Variants in JMJD1C observed in about 807,000 individuals in gnomAD.
The protein encoded by JMJD1C is jumonji domain containing 1C, also known as jumonji domain-containing protein 1C.
In JMJD1C, 31 loss-of-function variants were observed where a neutral mutation model predicts 245.3. That is an observed-to-expected ratio of 0.13 (90% CI 0.09 to 0.17). JMJD1C has a LOEUF of 0.17. JMJD1C is among the 10% of genes least tolerant of loss of function. The pLI is 1.00. For synonymous variants in JMJD1C, 1,057 were observed against 1,017.4 expected (o/e 1.04, Z -0.74); for missense variants, 2,691 against 3,000.2 (o/e 0.90, Z 2.41).
intron 2 of JMJD1C, among the ~76,000 whole-genome samples, chr10:63,371,339 A>C (rs1478109990): frequency 6.6e-6 from 1 of 151,994 alleles, no homozygotes; most frequent in Non-Finnish European, 1.5e-5. Flanking sequence ...TTTTTACTTA[A>C]ATTTTCTCTA....
At chr10:63,202,588 G>C in intron 10 of JMJD1C, 1 of 985,326 alleles carries the variant, frequency 1.0e-6, no homozygotes, top group South Asian at 4.7e-5. Context: ...TTGCTGCCTC[G>C]TTCTTTACAA....
At chr10:63,364,463 A>G (rs1356255088) in intron 2 of JMJD1C, among the ~76,000 whole-genome samples, 1 of 151,998 alleles carries the variant, frequency 6.6e-6, no homozygotes, top group African/African-American at 2.4e-5. Flanking sequence ...TGTTGTTGCT[A>G]TCTTGGTGCG....
At chr10:63,476,503 A>G (rs79001857) in intron 1 of JMJD1C, among the ~76,000 whole-genome samples, 5,614 of 152,120 alleles carry the variant, frequency 0.037, 331 homozygotes, top group East Asian at 0.29. Flanking sequence ...CAAGAGGATC[A>G]GCTGAGGCCA....
chr10:63,420,712 CT>C (rs1329888296), intron 1 of JMJD1C, among the ~76,000 whole-genome samples: 1 of 80,064 alleles, frequency 1.2e-5, no homozygotes, highest in African/African-American at 4.3e-5. Context: ...GAGACCCAGT[CT>C]CAAAAAAAAA....
In JMJD1C at chr10:63,196,761, T is replaced by G. The variant is rs190833542; in HGVS notation, c.5644+650A>C. On this transcript the variant is annotated intron_variant, in intron 13 of 25. Transcript: ENST00000399262. ...AGCTTTAGGTAGTCACTTCCAAAAT[T>G]GCCTTGGATAATCTTTCTAAAACAC... 7.0e-3 allele frequency among the ~76,000 whole-genome samples: 1,061 copies of G among 152,236 alleles called. 5 individuals carry two copies. Among genetic ancestry groups the G allele is most frequent in the Non-Finnish European group, 9.8e-3 (666 of 68,012 alleles).
At chr10:63,519,873 G>A (rs1424516891) in intron 1 of JMJD1C, among the ~76,000 whole-genome samples, 1 of 152,204 alleles carries the variant, frequency 6.6e-6, no homozygotes. Flanking sequence ...CTTTCATGAA[G>A]GGATCTGAAT....
intron 1 of JMJD1C, among the ~76,000 whole-genome samples, chr10:63,483,412 G>C (rs561304447): frequency 2.2e-4 from 33 of 152,266 alleles, no homozygotes; most frequent in South Asian, 1.0e-3. Flanking sequence ...TGGAGGGGGA[G>C]GCTATCCTCT....
chr10:63,425,331 A>T (rs995040016), intron 1 of JMJD1C, among the ~76,000 whole-genome samples: 7 of 152,180 alleles, frequency 4.6e-5, no homozygotes, highest in African/African-American at 1.7e-4. Flanking sequence ...TTTTAGGTGA[A>T]TTTTAAAACA....
intron 2 of JMJD1C, among the ~76,000 whole-genome samples, chr10:63,316,569 T>A (rs929105218): frequency 6.6e-6 from 1 of 152,282 alleles, no homozygotes; most frequent in East Asian, 1.9e-4. Context: ...TGCCTCAGCC[T>A]CCCAAGTAGC....
intron 2 of JMJD1C, among the ~76,000 whole-genome samples, chr10:63,348,664 T>C (rs1944062972): frequency 6.6e-6 from 1 of 152,146 alleles, no homozygotes; most frequent in Non-Finnish European, 1.5e-5. Context: ...CCTCTCCAAA[T>C]CTCATATTGA....
chr10:63,281,458 CTTTTTTTTT>C (rs71025144), intron 2 of JMJD1C, among the ~76,000 whole-genome samples: 21 of 65,376 alleles, frequency 3.2e-4, no homozygotes, highest in African/African-American at 9.9e-4. Flanking sequence ...TGCGCCTGGC[CTTTTTTTTT>C]TTTTTTTTTT....
intron 2 of JMJD1C, among the ~76,000 whole-genome samples, chr10:63,309,164 T>C (rs1938752585): frequency 6.6e-6 from 1 of 150,842 alleles, no homozygotes; most frequent in African/African-American, 2.4e-5. Context: ...AACGACAGAG[T>C]AAACTAAGAA....
chr10:63,274,626 A>G (rs982900942), intron 2 of JMJD1C, among the ~76,000 whole-genome samples: 6 of 152,184 alleles, frequency 3.9e-5, no homozygotes, highest in African/African-American at 1.4e-4. Context: ...TAAGCAATGC[A>G]AAACTTGTGT....
chr10:63,171,599 T>C (rs564221148), intron 24 of JMJD1C, among the ~76,000 whole-genome samples: 1 of 152,314 alleles, frequency 6.6e-6, no homozygotes, highest in African/African-American at 2.4e-5. Flanking sequence ...GATTCCTATT[T>C]GTGTGGTTTC....
At chr10:63,415,866 G>A (rs1361755856) in intron 1 of JMJD1C, among the ~76,000 whole-genome samples, 1 of 152,072 alleles carries the variant, frequency 6.6e-6, no homozygotes, top group African/African-American at 2.4e-5. Context: ...TAAACATTAA[G>A]GCAACTCCTT....
At chr10:63,283,304 GC>G (rs1251563479) in intron 2 of JMJD1C, among the ~76,000 whole-genome samples, 1 of 151,264 alleles carries the variant, frequency 6.6e-6, no homozygotes, top group Non-Finnish European at 1.5e-5. Flanking sequence ...GGTAACAATT[GC>G]CTTTTCTTTG....
intron 1 of JMJD1C, among the ~76,000 whole-genome samples, chr10:63,476,840 G>C (rs911716516): frequency 2.0e-5 from 3 of 152,184 alleles, no homozygotes; most frequent in Admixed American, 6.5e-5. Context: ...TGAGGCAAGA[G>C]GACCACTTGA....
chr10:63,227,448 C>T (rs937303368), intron 3 of JMJD1C, among the ~76,000 whole-genome samples: 7 of 152,184 alleles, frequency 4.6e-5, no homozygotes, highest in African/African-American at 1.7e-4. Context: ...GCTCAAAAGT[C>T]TCAACTGATG....
chr10:63,180,027 T>C (rs1843287557), intron 22 of JMJD1C, among the ~76,000 whole-genome samples: 1 of 152,222 alleles, frequency 6.6e-6, no homozygotes. Flanking sequence ...CGAGACACAG[T>C]CTCACTCTGT....
Sources: gnomAD v4.1 joint callset for allele counts (sites outside exome capture counted in the v4.1 genomes callset) on GRCh38, gnomAD v4.1.1 for gene constraint, MANE v1.5 for transcripts, NCBI Gene and HGNC (gene_info 2026-07-23, HGNC 2026-07-21) for gene names.